RPS6KB1: variants seen among roughly 807,000 people sequenced by gnomAD.
RPS6KB1 encodes ribosomal protein S6 kinase B1, also known as ribosomal protein S6 kinase beta-1.
RPS6KB1 carries 12 observed loss-of-function variants against 70.2 expected under a neutral mutation model. That is an observed-to-expected ratio of 0.17 (90% CI 0.11 to 0.28). The LOEUF (loss-of-function observed/expected upper bound fraction) is 0.28. Ranked by LOEUF, RPS6KB1 falls within the 10% of genes least tolerant of loss-of-function variation. RPS6KB1 has a pLI of 1.00. For missense variants in RPS6KB1, 270 were observed against 646.6 expected (o/e 0.42, Z 6.32); for synonymous variants, 175 against 211.2 (o/e 0.83, Z 1.49).
At chr17:59,903,266 C>A (rs1361783204) in intron 1 of RPS6KB1, among the ~76,000 whole-genome samples, 3 of 151,000 alleles carry the variant, frequency 2.0e-5, no homozygotes, top group Non-Finnish European at 4.4e-5. Context: ...GATAGCACCA[C>A]TGCACTCCAG....
In RPS6KB1 at chr17:59,947,192, A is replaced by G. The variant is rs1346254161; in HGVS notation, c.*404A>G. Reference sequence around the variant, plus strand: ...AAATTGCCTATAATACTTGCAACTAAGGACAAATTAGCATGCAAGCTTGGT... The same window carrying G: ...AAATTGCCTATAATACTTGCAACTAGGGACAAATTAGCATGCAAGCTTGGT... On this transcript the variant is annotated 3_prime_UTR_variant, in exon 15 of 15. Coordinates refer to ENST00000225577, the MANE Select transcript of RPS6KB1 (RefSeq NM_003161.4). The G allele has an allele frequency of 4.8e-6, 5 of 1,035,080 alleles. No individual in the cohort carries two copies. The highest frequency in any genetic ancestry group is 4.6e-6 in the Non-Finnish European group (4 of 861,780). The allele number at this position is 1,035,080 out of a possible 1,614,324, so 64.1% of individuals were successfully genotyped here.
Position 59,932,015 on chromosome 17 carries a change from T to G in RPS6KB1, c.688+293T>G, listed in dbSNP as rs528113019. On this transcript the variant is annotated intron_variant, in intron 7 of 14. Coordinates refer to ENST00000225577, the MANE Select transcript of RPS6KB1 (RefSeq NM_003161.4). ...TTTACATCAAATGTTGTATAATGTT[T>G]TAGACTGTAAAAGCCAGTCTAAACA... 5.1e-4 allele frequency among the ~76,000 whole-genome samples: 77 copies of G among 152,214 alleles called. 3 individuals are homozygous for G. The highest frequency in any genetic ancestry group is 2.9e-4 in the Non-Finnish European group (20 of 68,034).
chr17:59,902,903 G>T (rs549992990), intron 1 of RPS6KB1, among the ~76,000 whole-genome samples: 7 of 152,218 alleles, frequency 4.6e-5, no homozygotes, highest in Admixed American at 2.6e-4. Context: ...TTAGAAGGCT[G>T]GGTGTGGGGG....
At chr17:59,901,625 GAAAAAAAAAAA>G (rs58530265) in intron 1 of RPS6KB1, among the ~76,000 whole-genome samples, 2 of 79,192 alleles carry the variant, frequency 2.5e-5, no homozygotes, top group Non-Finnish European at 4.6e-5. Context: ...CCCTGTCTCT[GAAAAAAAAAAA>G]AAAAAAAAAA....
chr17:59,936,201 T>G lies in RPS6KB1; in HGVS notation c.979-14T>G. 6.3e-7 allele frequency: 1 copy of G among 1,591,208 alleles called. No homozygotes were observed. Among genetic ancestry groups the G allele is most frequent in the African/African-American group, 1.4e-5 (1 of 73,284 alleles). On this transcript the variant is annotated splice_polypyrimidine_tract_variant and intron_variant, in intron 10 of 14. Coordinates refer to ENST00000225577, the MANE Select transcript of RPS6KB1 (RefSeq NM_003161.4). ...ACTAAGGTTCTTTATCCAAGCTTTT[T>G]TTCCTCTTTAAAGCTGCTGAAAAGA...
rs551126231 is a variant in RPS6KB1 at position 59,949,674 on chromosome 17, A to G, written c.*2886A>G. 6.6e-6 allele frequency: 1 copy of G among 152,410 alleles called. No homozygotes were observed. Among genetic ancestry groups the G allele is most frequent in the Non-Finnish European group, 1.5e-5 (1 of 67,892 alleles). 9.4% of individuals were successfully genotyped at this position (152,410 alleles called of 1,614,324 possible). A position where few individuals can be genotyped will look rare whatever the true frequency, so the allele number is the denominator to read the frequency against. Reference sequence around the variant, plus strand: ...AAAATTATGTTCTTTTTCCCCCTTTATGGTCTTAACTAATTTGAATCCTTC... The same window carrying G: ...AAAATTATGTTCTTTTTCCCCCTTTGTGGTCTTAACTAATTTGAATCCTTC... On this transcript the variant is annotated 3_prime_UTR_variant, in exon 15 of 15. Coordinates refer to ENST00000225577, the MANE Select transcript of RPS6KB1 (RefSeq NM_003161.4).
intron 4 of RPS6KB1, among the ~76,000 whole-genome samples, chr17:59,915,773 A>ATGTTT (rs1157185738): frequency 3.5e-5 from 3 of 86,234 alleles, no homozygotes; most frequent in African/African-American, 2.0e-4. Context: ...GCCTACTGCT[A>ATGTTT]TCTTTTTTTT....
chr17:59,899,900 C>T (rs2041805431), intron 1 of RPS6KB1, among the ~76,000 whole-genome samples: 1 of 151,874 alleles, frequency 6.6e-6, no homozygotes, highest in Non-Finnish European at 1.5e-5. Context: ...TATGATAGCT[C>T]GTGCCTGTAA....
At chr17:59,929,235 A>G (rs996159663) in intron 5 of RPS6KB1, among the ~76,000 whole-genome samples, 3 of 150,910 alleles carry the variant, frequency 2.0e-5, no homozygotes, top group African/African-American at 7.3e-5. Context: ...GGTTCAAGTG[A>G]TTTTCCTGCC....
rs1173794213 is a variant in RPS6KB1 at position 59,948,372 on chromosome 17, A to G, written c.*1584A>G. On this transcript the variant is annotated 3_prime_UTR_variant, in exon 15 of 15. Coordinates refer to ENST00000225577, the MANE Select transcript of RPS6KB1 (RefSeq NM_003161.4). Reference sequence around the variant, plus strand: ...TCTTCAGTCTGAGTGTGCAAAGTCAATTTGTAATATTTTGCAACCCTAGGA... The same window carrying G: ...TCTTCAGTCTGAGTGTGCAAAGTCAGTTTGTAATATTTTGCAACCCTAGGA... The G allele has an allele frequency of 1.3e-5, 2 of 152,692 alleles. No individual in the cohort carries two copies. The highest frequency in any genetic ancestry group is 3.9e-4 in the East Asian group (2 of 5,188). 9.5% of individuals were successfully genotyped at this position (152,692 alleles called of 1,614,324 possible).
At chr17:59,899,683 C>T (rs1232028385) in intron 1 of RPS6KB1, among the ~76,000 whole-genome samples, 1 of 152,138 alleles carries the variant, frequency 6.6e-6, no homozygotes, top group Admixed American at 6.6e-5. Context: ...ATAAAAGAAA[C>T]TGTATCCAGT....
At chr17:59,927,687 A>G (rs1279302775) in intron 5 of RPS6KB1, among the ~76,000 whole-genome samples, 4 of 150,392 alleles carry the variant, frequency 2.7e-5, no homozygotes, top group Non-Finnish European at 4.4e-5. Context: ...TTGTATTTTT[A>G]GTAGAGCTGG....
At chr17:59,917,846 A>C (rs1384638053) in intron 4 of RPS6KB1, among the ~76,000 whole-genome samples, 1 of 152,054 alleles carries the variant, frequency 6.6e-6, no homozygotes, top group Non-Finnish European at 1.5e-5. Context: ...TGGAATTGCA[A>C]TTAGTTGGAT....
At position 59,936,235 on chromosome 17, in the gene RPS6KB1, T is replaced by A. The variant is rs2044232039; in HGVS notation, c.999T>A (p.Ala333=). ...LLKKLLKRNA[A]SRLGAGPGDA... ...TAAAGCTGCTGAAAAGAAATGCTGCTTCTCGTCTGGGAGCTGGTCCTGGGG... is the reference window on the plus strand; with the variant it reads ...TAAAGCTGCTGAAAAGAAATGCTGCATCTCGTCTGGGAGCTGGTCCTGGGG... Residue 333 remains alanine (A), a synonymous_variant, in exon 11 of 15, where the codon GCT becomes GCA. Transcript: ENST00000225577. 1 of 1,597,768 alleles carries A rather than the reference T, an allele frequency of 6.3e-7. No homozygotes were observed. Among genetic ancestry groups the A allele is most frequent in the Non-Finnish European group, 8.5e-7 (1 of 1,176,310 alleles).
intron 1 of RPS6KB1, among the ~76,000 whole-genome samples, chr17:59,896,669 AAG>A (rs2041584927): frequency 6.6e-6 from 1 of 152,174 alleles, no homozygotes; most frequent in African/African-American, 2.4e-5. Context: ...GGAAATAGGA[AAG>A]AGAAAGAAAT....
chr17:59,893,239 A>C lies in RPS6KB1; in HGVS notation c.55A>C (p.Arg19=). Reference sequence around the variant, plus strand: ...TTACCCAGCCCCGGACTTCCGAGACAGGGAAGCTGAGGACATGGCAGGAGT... The same window carrying C: ...TTACCCAGCCCCGGACTTCCGAGACCGGGAAGCTGAGGACATGGCAGGAGT... ...GFYPAPDFRD[R]EAEDMAGVFD... Residue 19 remains arginine (R), a synonymous_variant, in exon 1 of 15, where the codon AGG becomes CGG. Coordinates refer to ENST00000225577, the MANE Select transcript of RPS6KB1 (RefSeq NM_003161.4). This position sits in a 1 kb window ranked among gnomAD's most constrained non-coding sequence, Gnocchi z 4.1. 1 of 1,612,836 alleles carries C rather than the reference A, an allele frequency of 6.2e-7. No individual in the cohort carries two copies. Among genetic ancestry groups the C allele is most frequent in the African/African-American group, 1.3e-5 (1 of 75,046 alleles).
intron 1 of RPS6KB1, among the ~76,000 whole-genome samples, chr17:59,907,599 A>G (rs1299647295): frequency 6.6e-6 from 1 of 150,554 alleles, no homozygotes; most frequent in Non-Finnish European, 1.5e-5. Flanking sequence ...ATATAGTGGC[A>G]CAATCACTGC....
In RPS6KB1 at chr17:59,893,174, G is replaced by T. The variant is rs749717947; in HGVS notation, c.-11G>T. On this transcript the variant is annotated 5_prime_UTR_variant, in exon 1 of 15. Transcript: ENST00000225577. This position sits in a 1 kb window ranked among gnomAD's most constrained non-coding sequence, Gnocchi z 4.1. ...GGCAGCGGCTGTGGTGGCTGCGGCG[G>T]GTCCGGGCCCATGAGGCGACGAAGG... The T allele has an allele frequency of 6.4e-7, 1 of 1,570,290 alleles. No homozygotes were observed. Among genetic ancestry groups the T allele is most frequent in the Admixed American group, 1.9e-5 (1 of 53,516 alleles).
At chr17:59,942,050 G>A (rs2044636533) in intron 13 of RPS6KB1, among the ~76,000 whole-genome samples, 1 of 151,918 alleles carries the variant, frequency 6.6e-6, no homozygotes, top group African/African-American at 2.4e-5. Flanking sequence ...AGTAGAGACG[G>A]GGTTTCATCG....
Sources: allele counts gnomAD v4.1 joint callset (sites outside exome capture counted in the v4.1 genomes callset), GRCh38; gene constraint gnomAD v4.1.1; non-coding constraint Gnocchi (gnomAD v3.1); transcripts MANE v1.5; gene names NCBI Gene and HGNC (gene_info 2026-07-23, HGNC 2026-07-21).